DLGAP2: variants seen among roughly 807,000 people sequenced by gnomAD.
DLGAP2 encodes DLG associated protein 2, also known as disks large-associated protein 2.
Under a neutral mutation model 100.3 loss-of-function variants are expected in DLGAP2, and 26 were observed. The ratio of observed to expected loss-of-function variants is 0.26; its 90% confidence interval spans 0.19 to 0.36. The LOEUF (loss-of-function observed/expected upper bound fraction) is 0.36, where lower values mean the gene tolerates loss of function less well. DLGAP2 is among the 10% of genes least tolerant of loss of function. The pLI, the probability that DLGAP2 is intolerant of heterozygous loss-of-function variation, is 1.00. For synonymous variants in DLGAP2, 886 were observed against 630.1 expected, an observed-to-expected ratio of 1.41 and a Z score of -6.08; for missense variants, 1,858 against 1,453.2, an observed-to-expected ratio of 1.28 and a Z score of -4.53.
intron 2 of DLGAP2, among the ~76,000 whole-genome samples, chr8:1,092,185 G>A (rs1032789346): frequency 6.6e-6 from 1 of 152,136 alleles, no homozygotes; most frequent in Non-Finnish European, 1.5e-5. Context: ...GGGTGCAGCT[G>A]GCCTCACAGG....
intron 3 of DLGAP2, among the ~76,000 whole-genome samples, chr8:1,347,826 T>G (rs55852932): frequency 6.7e-4 from 80 of 120,008 alleles, no homozygotes; most frequent in South Asian, 1.5e-3. Flanking sequence ...TGCACTCATG[T>G]TAGCTGTGTG....
At chr8:919,733 G>T (rs1012898039) in intron 2 of DLGAP2, among the ~76,000 whole-genome samples, 1 of 152,144 alleles carries the variant, frequency 6.6e-6, no homozygotes, top group African/African-American at 2.4e-5. Flanking sequence ...GTGAGCTGCT[G>T]GGCCGTGCTC....
intron 2 of DLGAP2, among the ~76,000 whole-genome samples, chr8:1,082,639 C>T (rs960207024): frequency 9.2e-5 from 14 of 152,206 alleles, no homozygotes; most frequent in Non-Finnish European, 1.5e-5. Flanking sequence ...AGGGCTCCTC[C>T]TGGAGAAAGA....
At chr8:1,673,455 C>T (rs373826216) in intron 10 of DLGAP2, among the ~76,000 whole-genome samples, 14 of 152,308 alleles carry the variant, frequency 9.2e-5, no homozygotes, top group African/African-American at 3.1e-4. Flanking sequence ...TACCATGTCC[C>T]CTTCAGACTT....
intron 2 of DLGAP2, among the ~76,000 whole-genome samples, chr8:1,097,353 C>T (rs1371467130): frequency 3.4e-5 from 4 of 116,638 alleles, no homozygotes; most frequent in Admixed American, 8.9e-5. Flanking sequence ...GTGAGACCCA[C>T]GTCCCTGTGC....
At chr8:1,067,343 G>A (rs995877470) in intron 2 of DLGAP2, among the ~76,000 whole-genome samples, 2 of 152,184 alleles carry the variant, frequency 1.3e-5, no homozygotes, top group African/African-American at 2.4e-5. Context: ...TGACCTGTTG[G>A]TGTTCCCGCT....
chr8:1,067,038 G>C (rs919950973), intron 2 of DLGAP2, among the ~76,000 whole-genome samples: 3 of 152,178 alleles, frequency 2.0e-5, no homozygotes, highest in African/African-American at 7.2e-5. Context: ...GTTTGCTGCA[G>C]AGAGGGGTTG....
In DLGAP2 at chr8:1,164,115, CG is replaced by C. The variant is rs200117630; in HGVS notation, c.74-94735del. ...CTGGGGACAGATTTTTCTGTGAGCC[CG>C]CAGGGCCCGTCATTTTGGTTTGTGG... On this transcript the variant is annotated intron_variant, in intron 2 of 14. Transcript: ENST00000637795. Among the ~76,000 whole-genome samples the C allele has an allele frequency of 4.4e-3, 565 of 128,622 alleles. 138 individuals are homozygous for C. The highest frequency in any genetic ancestry group is 0.031 in the East Asian group (149 of 4,792). The allele number at this position is 128,622 out of a possible 152,430, so 84.4% of individuals were successfully genotyped here.
intron 2 of DLGAP2, among the ~76,000 whole-genome samples, chr8:1,126,347 G>C (rs1185575343): frequency 2.0e-5 from 3 of 152,018 alleles, no homozygotes; most frequent in Non-Finnish European, 4.4e-5. Context: ...GACACAGGCA[G>C]ATGAGGAGGG....
At chr8:1,133,481 AGATAT>A (rs1796340204) in intron 2 of DLGAP2, among the ~76,000 whole-genome samples, 1 of 152,224 alleles carries the variant, frequency 6.6e-6, no homozygotes, top group Non-Finnish European at 1.5e-5. Context: ...GATAAGTAAT[AGATAT>A]GTCTTCTGGA....
chr8:1,671,640 G>A (rs1364888798), intron 10 of DLGAP2, among the ~76,000 whole-genome samples: 3 of 152,178 alleles, frequency 2.0e-5, no homozygotes, highest in Admixed American at 6.5e-5. Flanking sequence ...ACTGGGCTAC[G>A]TCTAACGTGA....
chr8:1,072,063 A>G (rs1251129502), intron 2 of DLGAP2, among the ~76,000 whole-genome samples: 1 of 152,174 alleles, frequency 6.6e-6, no homozygotes, highest in East Asian at 1.9e-4. Flanking sequence ...GGAGTGGATG[A>G]TCTTTGGCTC....
chr8:1,289,176 A>T (rs1477640988), intron 3 of DLGAP2, among the ~76,000 whole-genome samples: 2 of 152,164 alleles, frequency 1.3e-5, no homozygotes, highest in East Asian at 1.9e-4. Flanking sequence ...AGCTGTGTTT[A>T]TGTCCTAGTA....
At chr8:1,478,678 A>G (rs1799005922) in intron 3 of DLGAP2, among the ~76,000 whole-genome samples, 1 of 152,084 alleles carries the variant, frequency 6.6e-6, no homozygotes, top group African/African-American at 2.4e-5. Context: ...GCCCAGGGCA[A>G]TGGTCAAACC....
At chr8:1,094,145 C>T (rs1449409150) in intron 2 of DLGAP2, among the ~76,000 whole-genome samples, 1 of 152,096 alleles carries the variant, frequency 6.6e-6, no homozygotes, top group Non-Finnish European at 1.5e-5. Context: ...GTTTGTGCTT[C>T]TTGATGCCAG....
chr8:1,241,435 C>G (rs1341652901), intron 2 of DLGAP2, among the ~76,000 whole-genome samples: 1 of 152,354 alleles, frequency 6.6e-6, no homozygotes, highest in African/African-American at 2.4e-5. Flanking sequence ...AGTGCTGTGT[C>G]TGGAGCTCTC....
chr8:1,290,629 C>G (rs1800036747), intron 3 of DLGAP2, among the ~76,000 whole-genome samples: 1 of 152,208 alleles, frequency 6.6e-6, no homozygotes, highest in Non-Finnish European at 1.5e-5. Flanking sequence ...AAGGCAGAGG[C>G]CTCCGTGGCA....
chr8:1,091,085 C>T (rs1298908594), intron 2 of DLGAP2, among the ~76,000 whole-genome samples: 2 of 152,152 alleles, frequency 1.3e-5, no homozygotes, highest in Non-Finnish European at 2.9e-5. Flanking sequence ...GCACAGGGCT[C>T]CGGGCAGCCT....
Position 1,549,400 on chromosome 8 carries a change from A to G in DLGAP2, c.947A>G (p.Asn316Ser), listed in dbSNP as rs751225110. 6 of 1,613,286 alleles carry G rather than the reference A, an allele frequency of 3.7e-6. No individual in the cohort carries two copies. In the East Asian group the frequency reaches 6.7e-5, roughly 18 times the overall value. The change falls in exon 5 of 15, where the codon AAC becomes AGC. Residue 316 changes from asparagine to serine, a missense_variant. Physicochemically the swap from Asn to Ser is conservative, Grantham distance 46 (BLOSUM62 1). Coordinates refer to ENST00000637795, the MANE Select transcript of DLGAP2 (RefSeq NM_001346810.2). ...ACCTATCGGACGCCCAGCGTGCTCA[A>G]CCGGCACCACCTGGGCCCCGTGGCC... ...DSTYRTPSVL[N>S]RHHLGPVAHC... is the part of the protein sequence containing the mutation.
Sources: gnomAD v4.1 joint callset for allele counts (sites outside exome capture counted in the v4.1 genomes callset) on GRCh38, gnomAD v4.1.1 for gene constraint, MANE v1.5 for transcripts, NCBI Gene and HGNC (gene_info 2026-07-23, HGNC 2026-07-21) for gene names.